The following ERBIN variants were observed in gnomAD, a reference collection of about 807,000 sequenced individuals.
The protein encoded by ERBIN is densin-180-like protein.
In ERBIN, 60 loss-of-function variants were observed where a neutral mutation model predicts 158.4. That is an observed-to-expected ratio of 0.38 (90% confidence interval 0.31 to 0.47). The LOEUF is 0.47. ERBIN is among the 20% of genes least tolerant of loss of function. The probability of loss-of-function intolerance (pLI) is 0.99; values close to 1 mark genes in which losing one functional copy is unlikely to be tolerated. For missense variants in ERBIN, 1,610 were observed against 1,648.0 expected, an observed-to-expected ratio of 0.98 and a Z score of 0.40; for synonymous variants, 594 against 557.2, an observed-to-expected ratio of 1.07 and a Z score of -0.93.
At chr5:65,965,883 A>T (rs754362443) in intron 1 of ERBIN, among the ~76,000 whole-genome samples, 12 of 152,198 alleles carry the variant, frequency 7.9e-5, no homozygotes, top group Non-Finnish European at 1.3e-4. Context: ...GACATCTTGT[A>T]TATATTTAGT....
intron 14 of ERBIN, among the ~76,000 whole-genome samples, chr5:66,037,319 T>G (rs1056265942): frequency 1.3e-5 from 2 of 151,882 alleles, no homozygotes; most frequent in African/African-American, 4.8e-5. Flanking sequence ...GTTATATGCC[T>G]CAAAGGAAAA....
chr5:65,991,856 A>C (rs1261890481), intron 2 of ERBIN, among the ~76,000 whole-genome samples: 2 of 152,206 alleles, frequency 1.3e-5, no homozygotes, highest in Non-Finnish European at 2.9e-5. Context: ...TAAGTTCTTT[A>C]GAAAAACTAT....
chr5:66,039,899 A>G (rs905538149), intron 15 of ERBIN, among the ~76,000 whole-genome samples: 19 of 151,928 alleles, frequency 1.3e-4, no homozygotes, highest in African/African-American at 3.6e-4. Flanking sequence ...GTTTTGCTAC[A>G]TCTAAATACA....
intron 1 of ERBIN, among the ~76,000 whole-genome samples, chr5:65,963,635 A>C (rs1748177464): frequency 6.6e-6 from 1 of 152,150 alleles, no homozygotes; most frequent in African/African-American, 2.4e-5. Context: ...AAACTACTTT[A>C]CATGAAATTC....
At chr5:66,025,408 C>A in intron 10 of ERBIN, 72 bp from the exon 11 acceptor site, 1 of 1,120,576 alleles carries the variant, frequency 8.9e-7, no homozygotes, top group Non-Finnish European at 1.4e-6. Context: ...TGTAGTATGT[C>A]TCACACTGAC....
At chr5:65,969,324 A>C (rs1330342938) in intron 1 of ERBIN, among the ~76,000 whole-genome samples, 2 of 152,204 alleles carry the variant, frequency 1.3e-5, no homozygotes, top group African/African-American at 4.8e-5. Context: ...TATTCAGCTT[A>C]TGTATAATTA....
intron 1 of ERBIN, among the ~76,000 whole-genome samples, chr5:65,977,580 C>G (rs1221677066): frequency 6.6e-6 from 1 of 151,766 alleles, no homozygotes; most frequent in East Asian, 2.0e-4. Context: ...AGAGACGCTC[C>G]TCACTTCCCA....
At chr5:66,078,390 A>G (rs530169555) in intron 25 of ERBIN, 33 bp from the exon 26 acceptor site, 64 of 1,306,214 alleles carry the variant, frequency 4.9e-5, no homozygotes, top group Admixed American at 3.1e-4. Flanking sequence ...TAACTATAAA[A>G]TGTTTTTCCT....
At chr5:66,031,139 G>A (rs956277762) in intron 14 of ERBIN, among the ~76,000 whole-genome samples, 1 of 152,126 alleles carries the variant, frequency 6.6e-6, no homozygotes, top group Non-Finnish European at 1.5e-5. Context: ...TGCTATGAAA[G>A]AATGACATGT....
chr5:65,951,540 A>G (rs992333650), intron 1 of ERBIN, among the ~76,000 whole-genome samples: 7 of 152,240 alleles, frequency 4.6e-5, no homozygotes, highest in Admixed American at 6.5e-5. Flanking sequence ...ACCAGTGAGT[A>G]GTAAATTCAG....
At chr5:65,941,008 T>A (rs1229730519) in intron 1 of ERBIN, among the ~76,000 whole-genome samples, 1 of 152,146 alleles carries the variant, frequency 6.6e-6, no homozygotes, top group Non-Finnish European at 1.5e-5. Flanking sequence ...TGTTGATCGG[T>A]GACCCTACCC....
At chr5:65,965,401 T>G (rs1246921618) in intron 1 of ERBIN, among the ~76,000 whole-genome samples, 23 of 17,218 alleles carry the variant, frequency 1.3e-3, no homozygotes, top group Admixed American at 7.7e-3. Flanking sequence ...TTTTTTTTTT[T>G]TTTTTTTTTT....
intron 4 of ERBIN, among the ~76,000 whole-genome samples, chr5:66,002,724 A>G (rs1466480923): frequency 1.3e-5 from 2 of 152,240 alleles, no homozygotes. Flanking sequence ...GGGACAAACT[A>G]GTGGAAAAGC....
chr5:65,973,273 G>C (rs1749470396), intron 1 of ERBIN, among the ~76,000 whole-genome samples: 1 of 151,002 alleles, frequency 6.6e-6, no homozygotes, highest in Non-Finnish European at 1.5e-5. Flanking sequence ...GGAGCGGGGA[G>C]GGAAAGCATT....
intron 4 of ERBIN, among the ~76,000 whole-genome samples, chr5:66,007,041 A>G (rs1257222882): frequency 1.3e-5 from 2 of 150,094 alleles, no homozygotes; most frequent in African/African-American, 5.0e-5. Context: ...ATTACTGGGT[A>G]TATACCCAAA....
At position 66,018,567 on chromosome 5, in the gene ERBIN, TTATATTATATAATATATATTATATAA is replaced by T. The variant is rs1429868421; in HGVS notation, c.534-2749_534-2724del. Reference sequence around the variant, plus strand: ...TATATTATATATTATATAATATATATTATATTATATAATATATATTATATAATATATATTATATATACATACACACA... The same window carrying T: ...TATATTATATATTATATAATATATATTATATATTATATATACATACACACA... On this transcript the variant is annotated intron_variant, in intron 7 of 25. Transcript: ENST00000284037. 2.3e-3 allele frequency among the ~76,000 whole-genome samples: 23 copies of T among 9,898 alleles called. 10 individuals carry two copies. Among genetic ancestry groups the T allele is most frequent in the Non-Finnish European group, 2.6e-3 (9 of 3,450 alleles). The allele number at this position is 9,898 out of a possible 152,430, so 6.5% of individuals were successfully genotyped here. A position where few individuals can be genotyped will look rare whatever the true frequency, so the allele number is the denominator to read the frequency against.
At chr5:66,013,254 C>T (rs1010684731) in intron 5 of ERBIN, among the ~76,000 whole-genome samples, 1 of 152,152 alleles carries the variant, frequency 6.6e-6, no homozygotes, top group South Asian at 2.1e-4. Context: ...CAGAGTTATA[C>T]CCTAAATATA....
chr5:66,038,973 C>T (rs956523878), intron 15 of ERBIN, among the ~76,000 whole-genome samples: 5 of 151,712 alleles, frequency 3.3e-5, no homozygotes, highest in South Asian at 2.1e-4. Flanking sequence ...TATGGTATGA[C>T]GACCTTTTAG....
chr5:65,961,921 T>C (rs1747971398), intron 1 of ERBIN, among the ~76,000 whole-genome samples: 1 of 152,164 alleles, frequency 6.6e-6, no homozygotes, highest in Admixed American at 6.5e-5. Flanking sequence ...TACTGTATCT[T>C]TTTGGTGCTG....
Sources: allele counts gnomAD v4.1 joint callset (sites outside exome capture counted in the v4.1 genomes callset), GRCh38; gene constraint gnomAD v4.1.1; transcripts MANE v1.5; gene names NCBI Gene and HGNC (gene_info 2026-07-23, HGNC 2026-07-21).